The following NRXN3 variants were observed in gnomAD, a reference collection of about 807,000 sequenced individuals.
NRXN3 encodes the protein neurexin 3.
NRXN3 carries 32 observed loss-of-function variants against 137.6 expected under a neutral mutation model. That is an observed-to-expected ratio of 0.23 (90% CI 0.18 to 0.31). NRXN3 has a LOEUF of 0.31. Among genes scored for constraint, NRXN3 ranks in the 10% least tolerant of loss-of-function variants. NRXN3 has a pLI of 1.00. For synonymous variants in NRXN3, 798 were observed against 784.5 expected (o/e 1.02, Z -0.29); for missense variants, 1,574 against 2,062.5 (o/e 0.76, Z 4.59).
intron 15 of NRXN3, among the ~76,000 whole-genome samples, chr14:79,308,885 A>AT (rs1183504837): frequency 2.8e-4 from 19 of 68,892 alleles, no homozygotes; most frequent in African/African-American, 1.0e-3. Flanking sequence ...ATTTTATTTT[A>AT]TTTTATTTTT....
intron 15 of NRXN3, among the ~76,000 whole-genome samples, chr14:79,017,229 C>T (rs995590658): frequency 9.5e-5 from 1 of 10,564 alleles, no homozygotes; most frequent in Non-Finnish European, 5.1e-3. Flanking sequence ...CCACGGATCA[C>T]TGGCTGTGTG....
At chr14:79,090,336 A>G (rs2048925585) in intron 15 of NRXN3, among the ~76,000 whole-genome samples, 1 of 152,154 alleles carries the variant, frequency 6.6e-6, no homozygotes, top group Non-Finnish European at 1.5e-5. Flanking sequence ...AGGCCTTTGG[A>G]AATTCTTCCT....
intron 15 of NRXN3, among the ~76,000 whole-genome samples, chr14:79,417,616 G>C (rs909389888): frequency 6.6e-6 from 1 of 151,970 alleles, no homozygotes; most frequent in Non-Finnish European, 1.5e-5. Flanking sequence ...CCTGGGGCTG[G>C]GCACTACTAC....
At chr14:79,280,291 C>T (rs1216237576) in intron 15 of NRXN3, 4 of 1,613,920 alleles carry the variant, frequency 2.5e-6, no homozygotes, top group Non-Finnish European at 3.4e-6. Flanking sequence ...GTGCGTTGAC[C>T]ATGCACCTGA....
chr14:79,375,708 T>A (rs2094253467), intron 15 of NRXN3, among the ~76,000 whole-genome samples: 1 of 152,086 alleles, frequency 6.6e-6, no homozygotes, highest in African/African-American at 2.4e-5. Context: ...CCACTAAATT[T>A]AAATCCCTCA....
chr14:79,389,957 A>G (rs1308055173), intron 15 of NRXN3, among the ~76,000 whole-genome samples: 1 of 152,244 alleles, frequency 6.6e-6, no homozygotes, highest in African/African-American at 2.4e-5. Flanking sequence ...AGATCAGGGT[A>G]TAATCAGTCC....
chr14:78,957,124 G>A lies in NRXN3; in HGVS notation c.2276-118G>A, dbSNP rs527341550. On this transcript the variant is annotated intron_variant, in intron 10 of 20. Coordinates refer to ENST00000335750, the MANE Select transcript of NRXN3 (RefSeq NM_001330195.2). ...AGTAAAATTCGAATGGACTTTGGGT[G>A]GAATATAATTCCTTGAATGCTGCTG... The A allele has an allele frequency of 7.4e-6, 8 of 1,079,288 alleles. No individual in the cohort carries two copies. The South Asian group carries it at 1.1e-4, about 15-fold the overall frequency. The allele number at this position is 1,079,288 out of a possible 1,614,324, so 66.9% of individuals were successfully genotyped here.
intron 6 of NRXN3, among the ~76,000 whole-genome samples, chr14:78,662,123 C>A (rs1189502184): frequency 6.6e-6 from 1 of 151,812 alleles, no homozygotes; most frequent in Non-Finnish European, 1.5e-5. Flanking sequence ...CCATCCACCT[C>A]GGCCTCCCAA....
chr14:79,732,619 T>C (rs952164087), intron 19 of NRXN3, among the ~76,000 whole-genome samples: 1 of 152,232 alleles, frequency 6.6e-6, no homozygotes, highest in African/African-American at 2.4e-5. Flanking sequence ...ACTGGGTCTT[T>C]TGTGAGGTTT....
intron 4 of NRXN3, among the ~76,000 whole-genome samples, chr14:78,307,867 C>T (rs2077525694): frequency 6.6e-6 from 1 of 152,128 alleles, no homozygotes. Flanking sequence ...CTTTGCCATC[C>T]TTTTAATAAG....
At chr14:78,410,979 G>T (rs1181473799) in intron 4 of NRXN3, among the ~76,000 whole-genome samples, 3 of 152,154 alleles carry the variant, frequency 2.0e-5, no homozygotes, top group African/African-American at 4.8e-5. Flanking sequence ...GGTGACCTTG[G>T]ATAATTCACT....
At chr14:78,338,713 G>A (rs1280941599) in intron 4 of NRXN3, among the ~76,000 whole-genome samples, 3 of 152,166 alleles carry the variant, frequency 2.0e-5, no homozygotes, top group Non-Finnish European at 4.4e-5. Flanking sequence ...TGATTCAGTG[G>A]GTTGACTCAG....
At chr14:79,427,915 C>T (rs545541158) in intron 15 of NRXN3, among the ~76,000 whole-genome samples, 1 of 152,110 alleles carries the variant, frequency 6.6e-6, no homozygotes, top group Non-Finnish European at 1.5e-5. Context: ...TCTAAGGGAC[C>T]AGGCACTGGC....
At chr14:79,329,285 T>C (rs922264190) in intron 15 of NRXN3, among the ~76,000 whole-genome samples, 6 of 152,224 alleles carry the variant, frequency 3.9e-5, no homozygotes, top group Non-Finnish European at 7.3e-5. Flanking sequence ...ATGTGTATAG[T>C]ATATCCATAT....
chr14:78,629,600 T>A (rs1245946279), intron 4 of NRXN3, among the ~76,000 whole-genome samples: 1 of 152,238 alleles, frequency 6.6e-6, no homozygotes, highest in East Asian at 1.9e-4. Context: ...CACTTCTGTT[T>A]GCACAAATCA....
At position 79,389,490 on chromosome 14, in the gene NRXN3, G is replaced by A. The variant is rs564388345; in HGVS notation, c.3263-77731G>A. On this transcript the variant is annotated intron_variant, in intron 15 of 20. Coordinates refer to ENST00000335750, the MANE Select transcript of NRXN3 (RefSeq NM_001330195.2). ...TCACCACTGTTGCATTGGGGATTAG[G>A]TTTCCAATACATACCTTTATGGAAC... 1.6e-3 allele frequency among the ~76,000 whole-genome samples: 244 copies of A among 152,252 alleles called. 2 individuals are homozygous for A. The highest frequency in any genetic ancestry group is 0.014 in the Middle Eastern group (4 of 294).
At chr14:79,395,286 A>C (rs1001120760) in intron 15 of NRXN3, among the ~76,000 whole-genome samples, 2 of 152,226 alleles carry the variant, frequency 1.3e-5, no homozygotes, top group Admixed American at 1.3e-4. Context: ...CATAGTTTTC[A>C]TCAGATTGTA....
chr14:78,983,526 A>C (rs148085575), intron 14 of NRXN3, among the ~76,000 whole-genome samples: 1,645 of 152,230 alleles, frequency 0.011, 27 homozygotes, highest in East Asian at 0.058. Flanking sequence ...CATATTTTAG[A>C]TAATAGTCCC....
At chr14:78,365,866 T>A (rs954025118) in intron 4 of NRXN3, among the ~76,000 whole-genome samples, 1 of 152,192 alleles carries the variant, frequency 6.6e-6, no homozygotes, top group African/African-American at 2.4e-5. Context: ...AAGAATCTTA[T>A]GTTTGAGAGG....
Sources: allele counts gnomAD v4.1 joint callset (sites outside exome capture counted in the v4.1 genomes callset), GRCh38; gene constraint gnomAD v4.1.1; transcripts MANE v1.5; gene names NCBI Gene and HGNC (gene_info 2026-07-23, HGNC 2026-07-21).